The following DAB2IP variants were observed in gnomAD, a reference collection of about 807,000 sequenced individuals.
The protein encoded by DAB2IP is DAB2 interacting protein, also known as disabled homolog 2-interacting protein.
In DAB2IP, 28 loss-of-function variants were observed where a neutral mutation model predicts 107.2. The observed-to-expected ratio is 0.26, with a 90% CI of 0.19 to 0.36. The LOEUF (loss-of-function observed/expected upper bound fraction) is 0.36. DAB2IP is among the 10% of genes least tolerant of loss of function. The pLI, the probability that DAB2IP is intolerant of heterozygous loss-of-function variation, is 1.00. For missense variants in DAB2IP, 1,400 were observed against 1,644.7 expected, an observed-to-expected ratio of 0.85 and a Z score of 2.57; for synonymous variants, 755 against 706.4, an observed-to-expected ratio of 1.07 and a Z score of -1.09.
At position 121,651,896 on chromosome 9, in the gene DAB2IP, A is replaced by AG; in HGVS notation, c.124+1dup. The AG allele has an allele frequency of 7.1e-7, 1 of 1,401,970 alleles. No individual in the cohort carries two copies. The allele number at this position is 1,401,970 out of a possible 1,614,324, so 86.8% of individuals were successfully genotyped here. ...CTCCCGCAGCCGGACCCGGCCTGCC[A>AG]GGGGTAGGCGCCACCCCGACCCCTG... On this transcript the variant is annotated frameshift_variant, in exon 1 of 16. Transcript: ENST00000408936. LOFTEE classifies it high-confidence loss of function. This position sits in a 1 kb window ranked among gnomAD's most constrained non-coding sequence, Gnocchi z 5.1.
chr9:121,756,982 G>A, intron 3 of DAB2IP, 31 bp from the exon 4 acceptor site: 2 of 1,613,020 alleles, frequency 1.2e-6, no homozygotes, highest in Non-Finnish European at 1.7e-6. Context: ...GGGCTGTGGG[G>A]GCCCACCTGA....
intron 1 of DAB2IP, among the ~76,000 whole-genome samples, chr9:121,602,322 G>A (rs1331413430): frequency 6.6e-6 from 1 of 152,104 alleles, no homozygotes; most frequent in Non-Finnish European, 1.5e-5. Flanking sequence ...CTTGCGGGCA[G>A]ACCTGTGGCA....
intron 1 of DAB2IP, among the ~76,000 whole-genome samples, chr9:121,568,193 C>T (rs757708590): frequency 3.6e-4 from 55 of 152,190 alleles, no homozygotes; most frequent in Admixed American, 1.0e-3. Context: ...TTCCCCCACC[C>T]CATCCAGGCC....
In DAB2IP at chr9:121,760,508, A is replaced by C. The variant is rs1833811665; in HGVS notation, c.1170+69A>C. 13 of 1,474,746 alleles carry C rather than the reference A, an allele frequency of 8.8e-6. No homozygotes were observed. The South Asian group carries it at 1.4e-4, about 16-fold the overall frequency. 91.4% of individuals were successfully genotyped at this position (1,474,746 alleles called of 1,614,324 possible). ...CACTGGGTTACCTGCCCTTCCTCACATCCGTACATTTCAGGCCTAACAGAG... is the reference window on the plus strand; with the variant it reads ...CACTGGGTTACCTGCCCTTCCTCACCTCCGTACATTTCAGGCCTAACAGAG... On this transcript the variant is annotated intron_variant, in intron 6 of 15. Coordinates refer to ENST00000408936, the Ensembl canonical transcript of DAB2IP. The surrounding 1 kb of genome is among the most constrained non-coding windows in gnomAD (Gnocchi z 5.9).
chr9:121,737,129 G>T, intron 3 of DAB2IP: 1 of 958,300 alleles, frequency 1.0e-6, no homozygotes, highest in Non-Finnish European at 1.2e-6. Context: ...AGTATGTTAG[G>T]GGAGGAGCCT....
chr9:121,774,359 C>A lies in DAB2IP; in HGVS notation c.3067C>A (p.Pro1023Thr), dbSNP rs141691348. The stretch of plus-strand genomic sequence containing the variant: ...AGAAGACGAGGGCCTGGGCCCAGAC[C>A]CCCCCCACAGGGATAGGCTAAGGAG... The change falls in exon 13 of 16, where the codon CCC (proline) becomes ACC (threonine). Residue 1023 changes from proline (P) to threonine (T), a missense_variant. Coordinates refer to ENST00000408936, the Ensembl canonical transcript of DAB2IP. The A allele has an allele frequency of 4.4e-5, 71 of 1,612,830 alleles. No individual in the cohort carries two copies. Among genetic ancestry groups the A allele is most frequent in the Non-Finnish European group, 3.7e-5 (44 of 1,179,684 alleles).
In DAB2IP at chr9:121,773,527, G is replaced by A. The variant is rs763859436; in HGVS notation, c.2967+32G>A. ...GCTGCTAGTCAGAGGGCAGGGCTGGGCACTTGGGCCCAGCTGGGGCTGTCA... is the reference window on the plus strand; with the variant it reads ...GCTGCTAGTCAGAGGGCAGGGCTGGACACTTGGGCCCAGCTGGGGCTGTCA... On this transcript the variant is annotated intron_variant, in intron 12 of 15. Transcript: ENST00000408936. The A allele has an allele frequency of 1.0e-5, 15 of 1,448,430 alleles. No individual in the cohort carries two copies. The South Asian group carries it at 2.3e-4, about 22-fold the overall frequency. The allele number at this position is 1,448,430 out of a possible 1,614,324, so 89.7% of individuals were successfully genotyped here.
rs1833692856 is a variant in DAB2IP at position 121,671,765 on chromosome 9, TC to T, written c.125-6911del. Among the ~76,000 whole-genome samples the T allele has an allele frequency of 4.6e-5, 7 of 152,236 alleles. No homozygotes were observed. In the South Asian group the frequency reaches 1.5e-3, roughly 32 times the overall value. ...TAGGTCCTTTGTAGTGCCATTGTGTTCCATGTGAATAGTGTCCTCCCTTCCT... is the reference window on the plus strand; with the variant it reads ...TAGGTCCTTTGTAGTGCCATTGTGTTCATGTGAATAGTGTCCTCCCTTCCT... On this transcript the variant is annotated intron_variant, in intron 1 of 15. Transcript: ENST00000408936.
chr9:121,626,378 A>G (rs1235524196), intron 1 of DAB2IP, among the ~76,000 whole-genome samples: 1 of 147,874 alleles, frequency 6.8e-6, no homozygotes, highest in African/African-American at 2.5e-5. Flanking sequence ...GATGTGAGGC[A>G]CTCTGGGCAG....
Position 121,722,382 on chromosome 9 carries a change from G to A in DAB2IP, c.362+22924G>A, listed in dbSNP as rs561127037. ...ACGGCTCTGGCCAAAGCCTGTTTGGGTGTCTTCCTGTTCGGGGCCTGCAGT... is the reference window on the plus strand; with the variant it reads ...ACGGCTCTGGCCAAAGCCTGTTTGGATGTCTTCCTGTTCGGGGCCTGCAGT... On this transcript the variant is annotated intron_variant, in intron 3 of 15. Coordinates refer to ENST00000408936, the Ensembl canonical transcript of DAB2IP. Among the ~76,000 whole-genome samples, 146 of 152,268 alleles carry A rather than the reference G, an allele frequency of 9.6e-4. 8 individuals are homozygous for A. Among genetic ancestry groups the A allele is most frequent in the Non-Finnish European group, 5.3e-4 (36 of 68,020 alleles).
At chr9:121,704,970 T>C (rs1320544244) in intron 3 of DAB2IP, among the ~76,000 whole-genome samples, 1 of 152,232 alleles carries the variant, frequency 6.6e-6, no homozygotes, top group Non-Finnish European at 1.5e-5. Flanking sequence ...GGGGCAGGGC[T>C]GACCGGCCCA....
intron 1 of DAB2IP, among the ~76,000 whole-genome samples, chr9:121,589,119 G>A (rs1173598394): frequency 6.6e-6 from 1 of 151,984 alleles, no homozygotes; most frequent in Non-Finnish European, 1.5e-5. Context: ...TCCCACCCCC[G>A]GCGTGATATG....
At chr9:121,705,249 G>T (rs1830000579) in intron 3 of DAB2IP, among the ~76,000 whole-genome samples, 1 of 152,166 alleles carries the variant, frequency 6.6e-6, no homozygotes, top group African/African-American at 2.4e-5. Flanking sequence ...GTTTGTCTGT[G>T]TACGTCTTTT....
rs571263000 is a variant in DAB2IP at position 121,777,506 on chromosome 9, C to T, written c.3314+1115C>T. On this transcript the variant is annotated intron_variant, in intron 14 of 15. Transcript: ENST00000408936. Reference sequence around the variant, plus strand: ...AAATGCTTTTCAATTTAACTGCCTTCTCTACATTGTGTGTATTCTCTGATA... The same window carrying T: ...AAATGCTTTTCAATTTAACTGCCTTTTCTACATTGTGTGTATTCTCTGATA... Among the ~76,000 whole-genome samples the T allele has an allele frequency of 3.7e-4, 57 of 152,356 alleles. 1 individual carries two copies. The highest frequency in any genetic ancestry group is 2.0e-3 in the Admixed American group (31 of 15,306).
chr9:121,734,396 A>AT (rs1313325220), intron 3 of DAB2IP, among the ~76,000 whole-genome samples: 1 of 152,130 alleles, frequency 6.6e-6, no homozygotes, highest in East Asian at 1.9e-4. Context: ...AAAAAAAAAA[A>AT]AAAAAGATGT....
intron 3 of DAB2IP, chr9:121,737,732 G>A: frequency 5.1e-6 from 5 of 985,486 alleles, no homozygotes; most frequent in Non-Finnish European, 6.0e-6. Context: ...TTGAAGTCCT[G>A]TGGGAGGGAG....
intron 14 of DAB2IP, 149 bp from the exon 15 acceptor site, chr9:121,781,315 C>CAGGCAAGTATGGG: frequency 1.4e-6 from 1 of 703,960 alleles, no homozygotes; most frequent in Non-Finnish European, 2.4e-6. Flanking sequence ...GCCTCTGCCC[C>CAGGCAAGTATGGG]AGGCAAGTAT....
chr9:121,763,714 TC>T lies in DAB2IP; in HGVS notation c.1316-18del, dbSNP rs1834063464. 1.2e-6 allele frequency: 2 copies of T among 1,612,846 alleles called. No individual in the cohort carries two copies. The highest frequency in any genetic ancestry group is 1.7e-5 in the Admixed American group (1 of 59,942). On this transcript the variant is annotated intron_variant, in intron 7 of 15. Coordinates refer to ENST00000408936, the Ensembl canonical transcript of DAB2IP. Reference sequence around the variant, plus strand: ...GGCCCGCCAGGTCCTCACTCCCCACTCCCTGCCCACTTGTCCATAGGTGAGT... The same window carrying T: ...GGCCCGCCAGGTCCTCACTCCCCACTCCTGCCCACTTGTCCATAGGTGAGT...
intron 3 of DAB2IP, among the ~76,000 whole-genome samples, chr9:121,713,460 GA>G (rs1190541416): frequency 6.6e-6 from 1 of 152,194 alleles, no homozygotes; most frequent in Admixed American, 6.5e-5. Context: ...AAAACCGCCA[GA>G]TGCCTGCTTA....
Sources: allele counts gnomAD v4.1 joint callset (sites outside exome capture counted in the v4.1 genomes callset), GRCh38; gene constraint gnomAD v4.1.1; non-coding constraint Gnocchi (gnomAD v3.1); transcripts MANE v1.5; gene names NCBI Gene and HGNC (gene_info 2026-07-23, HGNC 2026-07-21).